RRM2: variants seen among roughly 807,000 people sequenced by gnomAD.
The protein encoded by RRM2 is ribonucleoside-diphosphate reductase subunit M2.
Under a neutral mutation model 45.9 loss-of-function variants are expected in RRM2, and 6 were observed. That is an observed-to-expected ratio of 0.13 (90% CI 0.07 to 0.26). The LOEUF is 0.26. Ranked by LOEUF, RRM2 falls within the 10% of genes least tolerant of loss-of-function variation. The pLI is 1.00. For synonymous variants in RRM2, 177 were observed against 173.0 expected (o/e 1.02, Z -0.18); for missense variants, 343 against 489.5 (o/e 0.70, Z 2.82).
intron 3 of RRM2, among the ~76,000 whole-genome samples, chr2:10,207,689 G>A (rs1222805845): frequency 6.6e-6 from 1 of 151,740 alleles, no homozygotes; most frequent in Non-Finnish European, 1.5e-5. Context: ...AGTGCATTTG[G>A]CACTTCCTCC....
At chr2:10,137,577 A>T (rs1663011869), upstream of RRM2, among the ~76,000 whole-genome samples, 1 of 152,226 alleles carries the variant, frequency 6.6e-6, no homozygotes, top group African/African-American at 2.4e-5. Context: ...TCTACCTGGG[A>T]CGCTCTGGGT....
chr2:10,180,694 C>T (rs1664026973), intron 3 of RRM2, among the ~76,000 whole-genome samples: 1 of 152,220 alleles, frequency 6.6e-6, no homozygotes, highest in Non-Finnish European at 1.5e-5. Context: ...CATCTCCTCC[C>T]TGTCACCTGC....
Position 10,194,371 on chromosome 2 carries a change from G to T in RRM2, n.483-15940G>T, listed in dbSNP as rs113800122. ...GGCGGGGCTCTGGGGGTAAGGCCTTGGTCCTGCCGTGCCTCCTCCTGGCTC... is the reference window on the plus strand; with the variant it reads ...GGCGGGGCTCTGGGGGTAAGGCCTTTGTCCTGCCGTGCCTCCTCCTGGCTC... On this transcript the variant is annotated intron_variant and non_coding_transcript_variant, in intron 3 of 3. Transcript: ENST00000381786. Among the ~76,000 whole-genome samples, 1,095 of 152,346 alleles carry T rather than the reference G, an allele frequency of 7.2e-3. 21 individuals carry two copies. The highest frequency in any genetic ancestry group is 0.025 in the African/African-American group (1,052 of 41,578).
chr2:10,141,899 CG>C, exon 2 of RRM2: 2 of 1,574,818 alleles, frequency 1.3e-6, no homozygotes, highest in Non-Finnish European at 1.7e-6. Flanking sequence ...TCCAGGCCCT[CG>C]GGGAGACAGC....
intron 3 of RRM2, among the ~76,000 whole-genome samples, chr2:10,209,055 TTC>T (rs1167177260): frequency 2.1e-5 from 3 of 144,766 alleles, no homozygotes; most frequent in Middle Eastern, 3.6e-3. Flanking sequence ...CTTTCTTTCT[TTC>T]TTTTTTTTTT....
At chr2:10,148,128 AGT>A (rs1314504649) in intron 3 of RRM2, among the ~76,000 whole-genome samples, 1 of 139,154 alleles carries the variant, frequency 7.2e-6, no homozygotes, top group African/African-American at 2.7e-5. Context: ...TGGGCAACAG[AGT>A]GAGACCCTGA....
chr2:10,163,344 G>A lies in RRM2; in HGVS notation n.482+20969G>A, dbSNP rs1663608760. 4.5e-5 allele frequency among the ~76,000 whole-genome samples: 6 copies of A among 133,994 alleles called. No individual in the cohort carries two copies. In the South Asian group the frequency reaches 1.7e-3, roughly 38 times the overall value. The allele number at this position is 133,994 out of a possible 152,430, so 87.9% of individuals were successfully genotyped here. A position where few individuals can be genotyped will look rare whatever the true frequency, so the allele number is the denominator to read the frequency against. ...GAAAAGACGGGCGGGGGGGTGGGGG[G>A]GCATCTGTAGCTGTCTCTGGGGCTG... On this transcript the variant is annotated intron_variant and non_coding_transcript_variant, in intron 3 of 3. Coordinates refer to the RRM2 transcript ENST00000381786.
rs1027152409 is a variant in RRM2, at chr2:10,205,584, C to T, written n.483-4727C>T. ...CATGGAAAGGGAGAGAGATACCTTC[C>T]GTTTCAAGGAATATGCAGTTTGGAT... On this transcript the variant is annotated intron_variant and non_coding_transcript_variant, in intron 3 of 3. Coordinates refer to the RRM2 transcript ENST00000381786. This position sits in a 1 kb window ranked among gnomAD's most constrained non-coding sequence, Gnocchi z 4.8. Among the ~76,000 whole-genome samples, 2 of 152,276 alleles carry T rather than the reference C, an allele frequency of 1.3e-5. No homozygotes were observed. Among genetic ancestry groups the T allele is most frequent in the East Asian group, 3.9e-4 (2 of 5,186 alleles).
chr2:10,142,055 G>A, intron 2 of RRM2: 1 of 1,598,254 alleles, frequency 6.3e-7, no homozygotes, highest in Non-Finnish European at 8.5e-7. Flanking sequence ...GGGAGCCAGA[G>A]GATGTGGGGA....
At chr2:10,154,691 C>CTTTTTTTTT (rs70948874) in intron 3 of RRM2, among the ~76,000 whole-genome samples, 2 of 95,746 alleles carry the variant, frequency 2.1e-5, no homozygotes, top group African/African-American at 4.2e-5. Context: ...AGTCCTGATT[C>CTTTTTTTTT]TTTTTTTTTT....
chr2:10,157,990 A>C (rs1352330618), intron 3 of RRM2, among the ~76,000 whole-genome samples: 1 of 152,170 alleles, frequency 6.6e-6, no homozygotes, highest in Non-Finnish European at 1.5e-5. Context: ...AAAGGAATGA[A>C]TGAGAGGAGG....
chr2:10,209,892 C>A (rs894531301), intron 3 of RRM2, among the ~76,000 whole-genome samples: 3 of 152,308 alleles, frequency 2.0e-5, no homozygotes, highest in African/African-American at 7.2e-5. Flanking sequence ...GCTGCCATCA[C>A]CCCTTTTATC....
In RRM2 at chr2:10,124,479, C is replaced by G. The variant is rs185545160; in HGVS notation, c.436-238C>G. ...TATCTCTTATTGCGAATGGATCTTT[C>G]TTGACATAAATTAATTAGGAAATCG... On this transcript the variant is annotated intron_variant, in intron 4 of 9. Coordinates refer to ENST00000304567, the MANE Select transcript of RRM2 (RefSeq NM_001034.4). Among the ~76,000 whole-genome samples, 54 of 152,216 alleles carry G rather than the reference C, an allele frequency of 3.5e-4. No homozygotes were observed. In the East Asian group the frequency reaches 8.5e-3, roughly 24 times the overall value.
At chr2:10,142,932 G>A (rs1663115460) in intron 3 of RRM2, among the ~76,000 whole-genome samples, 1 of 152,216 alleles carries the variant, frequency 6.6e-6, no homozygotes, top group Non-Finnish European at 1.5e-5. Context: ...GCAGTGCAGT[G>A]GCGCGATCTC....
intron 3 of RRM2, among the ~76,000 whole-genome samples, chr2:10,202,674 G>A (rs1664589568): frequency 6.6e-6 from 1 of 152,194 alleles, no homozygotes; most frequent in Admixed American, 6.5e-5. Context: ...GGGTTGGAAT[G>A]TGTCTGGTTG....
chr2:10,141,870 A>G, exon 2 of RRM2: 1 of 1,564,394 alleles, frequency 6.4e-7, no homozygotes. Context: ...GGAGACCGTG[A>G]AGTGCAAAGC....
At chr2:10,161,935 G>A (rs149027373) in intron 3 of RRM2, among the ~76,000 whole-genome samples, 1 of 152,348 alleles carries the variant, frequency 6.6e-6, no homozygotes, top group Non-Finnish European at 1.5e-5. Flanking sequence ...TTTTCCTGTT[G>A]TCCAGGCAGA....
At chr2:10,209,616 C>CGT (rs57435746) in intron 3 of RRM2, among the ~76,000 whole-genome samples, 272 of 150,676 alleles carry the variant, frequency 1.8e-3, no homozygotes, top group African/African-American at 6.4e-3. Flanking sequence ...TGCGTGCATG[C>CGT]GTGTGTGTGT....
At chr2:10,142,337 G>C in exon 3 of RRM2, 3 of 1,381,396 alleles carry the variant, frequency 2.2e-6, no homozygotes, top group South Asian at 1.1e-5. Context: ...TGTTACTCGG[G>C]GTGCGCCAGT....
Sources: allele counts gnomAD v4.1 joint callset (sites outside exome capture counted in the v4.1 genomes callset), GRCh38; gene constraint gnomAD v4.1.1; non-coding constraint Gnocchi (gnomAD v3.1); transcripts MANE v1.5; gene names NCBI Gene and HGNC (gene_info 2026-07-23, HGNC 2026-07-21).